Variants in TRMT10B observed in about 807,000 individuals in gnomAD.
TRMT10B encodes the protein tRNA methyltransferase 10 homolog B.
A neutral mutation model predicts 43.8 loss-of-function variants in TRMT10B; 33 were observed. That is an observed-to-expected ratio of 0.75 (90% confidence interval 0.57 to 1.01). The LOEUF (loss-of-function observed/expected upper bound fraction) is 1.01, where lower values mean the gene tolerates loss of function less well. TRMT10B is among the 50% of genes least tolerant of loss of function. The probability of loss-of-function intolerance (pLI) is 0.00; values close to 1 mark genes in which losing one functional copy is unlikely to be tolerated. For synonymous variants in TRMT10B, 137 were observed against 130.6 expected, an observed-to-expected ratio of 1.05 and a Z score of -0.34; for missense variants, 362 against 369.8, an observed-to-expected ratio of 0.98 and a Z score of 0.17.
At chr9:37,764,703 C>T (rs559279054) in intron 4 of TRMT10B, among the ~76,000 whole-genome samples, 26 of 152,172 alleles carry the variant, frequency 1.7e-4, no homozygotes, top group African/African-American at 5.3e-4. Flanking sequence ...CGATTACAGG[C>T]GTGAGCTACT....
At chr9:37,773,107 T>C (rs907149073) in intron 7 of TRMT10B, among the ~76,000 whole-genome samples, 1 of 152,176 alleles carries the variant, frequency 6.6e-6, no homozygotes, top group Non-Finnish European at 1.5e-5. Context: ...TTGAAATGGT[T>C]TGGCAAATTA....
At chr9:37,768,377 A>T (rs1340801088) in intron 5 of TRMT10B, 149 bp downstream of exon 5, 27 of 849,598 alleles carry the variant, frequency 3.2e-5, no homozygotes, top group Non-Finnish European at 3.7e-5. Context: ...TAAATTTAAA[A>T]TTTTTTCTCA....
chr9:37,763,223 T>A (rs1826609846), intron 3 of TRMT10B, among the ~76,000 whole-genome samples: 1 of 151,624 alleles, frequency 6.6e-6, no homozygotes, highest in African/African-American at 2.4e-5. Context: ...AACGTGTTTA[T>A]AAGCTCAGAA....
At chr9:37,769,137 G>A (rs1005706834) in intron 5 of TRMT10B, among the ~76,000 whole-genome samples, 5 of 151,604 alleles carry the variant, frequency 3.3e-5, no homozygotes, top group Non-Finnish European at 5.9e-5. Context: ...GTGAAACCCC[G>A]TCCCTACTAA....
At chr9:37,762,749 C>A in intron 3 of TRMT10B, 64 bp downstream of exon 3, 1 of 1,491,874 alleles carries the variant, frequency 6.7e-7, no homozygotes, top group Non-Finnish European at 9.0e-7. Flanking sequence ...TCTGCATGTT[C>A]CAATGAGAGT....
At chr9:37,755,712 A>T (rs1211720941) in intron 1 of TRMT10B, among the ~76,000 whole-genome samples, 1 of 152,212 alleles carries the variant, frequency 6.6e-6, no homozygotes, top group African/African-American at 2.4e-5. Context: ...TGCATCCCAA[A>T]TTCCTGGTTT....
chr9:37,770,326 A>G (rs761467165), intron 6 of TRMT10B, among the ~76,000 whole-genome samples: 1 of 152,024 alleles, frequency 6.6e-6, no homozygotes, highest in Admixed American at 6.6e-5. Context: ...TGTTAGATCT[A>G]TTTTTTCCTA....
chr9:37,764,795 G>C (rs1826806437), intron 4 of TRMT10B, among the ~76,000 whole-genome samples: 1 of 152,096 alleles, frequency 6.6e-6, no homozygotes, highest in South Asian at 2.1e-4. Context: ...TAGAGTTCTG[G>C]GAATGGCAGA....
At chr9:37,770,854 G>A (rs1435250376) in intron 7 of TRMT10B, 115 bp downstream of exon 7, 116 of 1,084,224 alleles carry the variant, frequency 1.1e-4, no homozygotes, top group Non-Finnish European at 1.4e-4. Flanking sequence ...GGAACAGGAA[G>A]AAAGAGCCAT....
At chr9:37,763,867 TAA>T (rs1826688421) in intron 4 of TRMT10B, 114 bp downstream of exon 4, 1 of 1,589,456 alleles carries the variant, frequency 6.3e-7, no homozygotes, top group Non-Finnish European at 8.6e-7. Flanking sequence ...AGTAAACTAG[TAA>T]AGTGTTTGAT....
rs546212088 is a variant in TRMT10B, at chr9:37,756,745, C to T, written c.-30+2893C>T. 7.1e-3 allele frequency among the ~76,000 whole-genome samples: 1,056 copies of T among 149,008 alleles called. 11 individuals carry two copies. The highest frequency in any genetic ancestry group is 0.025 in the African/African-American group (997 of 40,132). On this transcript the variant is annotated intron_variant, in intron 1 of 8. Transcript: ENST00000297994. ...AAAAAGATATATATATATATATACA[C>T]ACACACACATATATATATACACATA...
chr9:37,763,414 A>G (rs1420103576), intron 3 of TRMT10B, among the ~76,000 whole-genome samples: 1 of 152,214 alleles, frequency 6.6e-6, no homozygotes, highest in African/African-American at 2.4e-5. Flanking sequence ...TAATGTAGCC[A>G]ATCAATGAAC....
At chr9:37,767,986 G>A (rs923033193) in intron 4 of TRMT10B, 90 bp from the exon 5 acceptor site, 57 of 1,474,316 alleles carry the variant, frequency 3.9e-5, no homozygotes, top group Middle Eastern at 1.8e-4. Flanking sequence ...CTGGAGTAGC[G>A]TTCAGTGAAC....
chr9:37,760,967 TTGTC>T (rs1826266001), intron 1 of TRMT10B, among the ~76,000 whole-genome samples: 1 of 152,214 alleles, frequency 6.6e-6, no homozygotes, highest in African/African-American at 2.4e-5. Flanking sequence ...GTAAGAGTGC[TTGTC>T]TGTAGTATTC....
chr9:37,770,124 C>T (rs1371471237), intron 6 of TRMT10B, 105 bp downstream of exon 6: 2 of 999,668 alleles, frequency 2.0e-6, no homozygotes, highest in Non-Finnish European at 3.2e-6. Flanking sequence ...CCCCTCCCCA[C>T]CCCCACAAAA....
At chr9:37,753,987 C>T (rs1588991085) in intron 1 of TRMT10B, 135 bp downstream of exon 1, 2 of 152,518 alleles carry the variant, frequency 1.3e-5, no homozygotes, top group Middle Eastern at 3.4e-3. Flanking sequence ...ACTCCACCTT[C>T]CTGATACTTT....
At chr9:37,761,733 C>T (rs1323275207) in intron 1 of TRMT10B, among the ~76,000 whole-genome samples, 170 bp from the exon 2 acceptor site, 1 of 152,220 alleles carries the variant, frequency 6.6e-6, no homozygotes, top group Non-Finnish European at 1.5e-5. Flanking sequence ...AACTGTTTCT[C>T]TGCTGAATCA....
chr9:37,757,334 C>T (rs1825836164), intron 1 of TRMT10B, among the ~76,000 whole-genome samples: 2 of 152,158 alleles, frequency 1.3e-5, no homozygotes, highest in Non-Finnish European at 2.9e-5. Flanking sequence ...CCTCAGCCTC[C>T]CAAAGTGCTG....
intron 7 of TRMT10B, among the ~76,000 whole-genome samples, chr9:37,771,556 T>A (rs751369213): frequency 6.6e-6 from 1 of 152,222 alleles, no homozygotes; most frequent in Non-Finnish European, 1.5e-5. Flanking sequence ...TAGTGTTCCA[T>A]GACTCCATAG....
Sources: gnomAD v4.1 joint callset for allele counts (sites outside exome capture counted in the v4.1 genomes callset) on GRCh38, gnomAD v4.1.1 for gene constraint, MANE v1.5 for transcripts, NCBI Gene and HGNC (gene_info 2026-07-23, HGNC 2026-07-21) for gene names.